Variants in GNA12 observed in about 807,000 individuals in gnomAD.
The protein encoded by GNA12 is guanine nucleotide-binding protein subunit alpha-12.
In GNA12, 9 loss-of-function variants were observed where a neutral mutation model predicts 26.0. The observed-to-expected ratio is 0.35, with a 90% CI of 0.21 to 0.60. The LOEUF (loss-of-function observed/expected upper bound fraction) is 0.60, where lower values mean the gene tolerates loss of function less well. Ranked by LOEUF, GNA12 falls within the 20% of genes least tolerant of loss-of-function variation. The pLI, the probability that GNA12 is intolerant of heterozygous loss-of-function variation, is 0.78. For synonymous variants in GNA12, 264 were observed against 219.6 expected, an observed-to-expected ratio of 1.20 and a Z score of -1.79; for missense variants, 405 against 525.8, an observed-to-expected ratio of 0.77 and a Z score of 2.25.
chr7:2,736,473 T>A (rs558531609), intron 2 of GNA12, among the ~76,000 whole-genome samples: 51 of 152,248 alleles, frequency 3.3e-4, no homozygotes, highest in African/African-American at 1.0e-3. Context: ...CGAATGTGTC[T>A]GTCCTCTCAC....
rs777791319 is a variant in GNA12, at chr7:2,762,838, G to A, written c.526-29337C>T. 17 of 1,494,822 alleles carry A rather than the reference G, an allele frequency of 1.1e-5. No homozygotes were observed. In the Admixed American group the frequency reaches 3.4e-4, roughly 30 times the overall value. 92.6% of individuals were successfully genotyped at this position (1,494,822 alleles called of 1,614,324 possible). On this transcript the variant is annotated intron_variant, in intron 2 of 3. Transcript: ENST00000275364. ...CCCATCCGCCACACACCCAGTCAGC[G>A]CGGCTCCGAAGCAGGAGAGGGCCAG...
intron 1 of GNA12, among the ~76,000 whole-genome samples, chr7:2,812,857 G>A (rs1033215839): frequency 6.6e-6 from 1 of 152,130 alleles, no homozygotes; most frequent in Admixed American, 6.5e-5. Context: ...GCAGTTATTT[G>A]GCCCCTTTTT....
chr7:2,779,245 G>A (rs986446583), intron 2 of GNA12, among the ~76,000 whole-genome samples: 2 of 152,120 alleles, frequency 1.3e-5, no homozygotes, highest in Non-Finnish European at 2.9e-5. Context: ...AGCTACTCAG[G>A]AGGCTGACGT....
At chr7:2,732,880 T>C (rs1789971940) in intron 3 of GNA12, among the ~76,000 whole-genome samples, 1 of 152,248 alleles carries the variant, frequency 6.6e-6, no homozygotes, top group African/African-American at 2.4e-5. Context: ...CTTATTAGGT[T>C]GTTGATTCAA....
intron 1 of GNA12, among the ~76,000 whole-genome samples, chr7:2,806,880 G>T (rs993847044): frequency 6.6e-6 from 1 of 152,074 alleles, no homozygotes; most frequent in Non-Finnish European, 1.5e-5. Context: ...CACATATATG[G>T]CTATTTTCTT....
intron 2 of GNA12, among the ~76,000 whole-genome samples, chr7:2,793,896 A>AAAAAAAAAG (rs1554260953): frequency 6.8e-6 from 1 of 146,642 alleles, no homozygotes; most frequent in African/African-American, 2.7e-5. Flanking sequence ...AAAAAAAAAA[A>AAAAAAAAAG]AAGGAAAAAA....
Position 2,794,796 on chromosome 7 carries a change from C to T in GNA12, c.525+132G>A, listed in dbSNP as rs576111020. The T allele has an allele frequency of 1.4e-5, 10 of 691,380 alleles. No individual in the cohort carries two copies. In the East Asian group the frequency reaches 2.1e-4, roughly 15 times the overall value. The allele number at this position is 691,380 out of a possible 1,614,324, so 42.8% of individuals were successfully genotyped here. Reference sequence around the variant, plus strand: ...TCCATCCCGTGTTTTGGTTGTTGATCATTACAACTTACGGTGATTTAGAGC... The same window carrying T: ...TCCATCCCGTGTTTTGGTTGTTGATTATTACAACTTACGGTGATTTAGAGC... On this transcript the variant is annotated intron_variant, in intron 2 of 3. Transcript: ENST00000275364.
chr7:2,826,656 T>C (rs1793491958), intron 1 of GNA12, among the ~76,000 whole-genome samples: 1 of 152,174 alleles, frequency 6.6e-6, no homozygotes, highest in African/African-American at 2.4e-5. Flanking sequence ...AAACCTTAAA[T>C]ATGTATTGCT....
At chr7:2,765,343 T>A (rs1051379101) in intron 2 of GNA12, among the ~76,000 whole-genome samples, 1 of 151,948 alleles carries the variant, frequency 6.6e-6, no homozygotes, top group Non-Finnish European at 1.5e-5. Flanking sequence ...AGAGATGGGG[T>A]TTCATTTAGT....
In GNA12 at chr7:2,833,056, C is replaced by T. The variant is rs112115361; in HGVS notation, c.309+10797G>A. Among the ~76,000 whole-genome samples, 1,151 of 152,338 alleles carry T rather than the reference C, an allele frequency of 7.6e-3. 15 individuals carry two copies. The highest frequency in any genetic ancestry group is 0.026 in the African/African-American group (1,082 of 41,578). On this transcript the variant is annotated intron_variant, in intron 1 of 3. Coordinates refer to ENST00000275364, the MANE Select transcript of GNA12 (RefSeq NM_007353.3). Reference sequence around the variant, plus strand: ...CAGAGAGAAAGACTAACCCATCACACGGTCAGCAACAAATATTCACATTCG... The same window carrying T: ...CAGAGAGAAAGACTAACCCATCACATGGTCAGCAACAAATATTCACATTCG...
chr7:2,736,234 C>G (rs1162147083), intron 2 of GNA12, among the ~76,000 whole-genome samples: 1 of 152,128 alleles, frequency 6.6e-6, no homozygotes, highest in Non-Finnish European at 1.5e-5. Context: ...CTGTGCCTGC[C>G]AAGACGAGCC....
intron 2 of GNA12, among the ~76,000 whole-genome samples, chr7:2,752,865 C>T (rs985986055): frequency 6.6e-6 from 1 of 152,122 alleles, no homozygotes; most frequent in Non-Finnish European, 1.5e-5. Context: ...ATATCAGAAC[C>T]AGGGAACTGA....
intron 1 of GNA12, chr7:2,814,332 T>A (rs943477095): frequency 1.9e-6 from 3 of 1,591,514 alleles, no homozygotes; most frequent in African/African-American, 2.7e-5. Context: ...GGGTGTGCAA[T>A]GAGTAGGTGC....
At chr7:2,761,014 G>A (rs1399641519) in intron 2 of GNA12, among the ~76,000 whole-genome samples, 1 of 152,174 alleles carries the variant, frequency 6.6e-6, no homozygotes, top group African/African-American at 2.4e-5. Context: ...GGTAGTTTTG[G>A]GACAGCATGT....
Position 2,729,681 on chromosome 7 carries a change from A to C in GNA12, c.*1500T>G, listed in dbSNP as rs1342188211. 1 of 152,288 alleles carries C rather than the reference A, an allele frequency of 6.6e-6. No individual in the cohort carries two copies. 9.4% of individuals were successfully genotyped at this position (152,288 alleles called of 1,614,324 possible). On this transcript the variant is annotated 3_prime_UTR_variant, in exon 4 of 4. Coordinates refer to ENST00000275364, the MANE Select transcript of GNA12 (RefSeq NM_007353.3). ...GGGCTCGGGGCAGCACGGCCTCGGG[A>C]CGAGGGCCCTGGGATATGTGACTGA...
chr7:2,813,115 C>G (rs1183756689), intron 1 of GNA12, among the ~76,000 whole-genome samples: 2 of 152,146 alleles, frequency 1.3e-5, no homozygotes, highest in Non-Finnish European at 2.9e-5. Flanking sequence ...GACACACAGT[C>G]TTGCTATGCT....
intron 2 of GNA12, among the ~76,000 whole-genome samples, chr7:2,774,406 T>C (rs553258142): frequency 6.6e-6 from 1 of 152,328 alleles, no homozygotes; most frequent in Admixed American, 6.5e-5. Flanking sequence ...AGATAACATC[T>C]GAGTCAAAAC....
rs1789640107 is a variant in GNA12 at position 2,730,176 on chromosome 7, T to C, written c.*1005A>G. 1 of 152,398 alleles carries C rather than the reference T, an allele frequency of 6.6e-6. No homozygotes were observed. 9.4% of individuals were successfully genotyped at this position (152,398 alleles called of 1,614,324 possible). Reference sequence around the variant, plus strand: ...GGGGCATTAACAAAAGCTCTGCTAGTGGCCTTGCCAGCTTTCTGAAGCCCC... The same window carrying C: ...GGGGCATTAACAAAAGCTCTGCTAGCGGCCTTGCCAGCTTTCTGAAGCCCC... On this transcript the variant is annotated 3_prime_UTR_variant, in exon 4 of 4. Transcript: ENST00000275364.
At chr7:2,743,543 T>G (rs542470247) in intron 2 of GNA12, among the ~76,000 whole-genome samples, 37 of 152,250 alleles carry the variant, frequency 2.4e-4, no homozygotes, top group African/African-American at 8.7e-4. Flanking sequence ...CAAAATCTTA[T>G]CAGAGGTCAG....
Sources: gnomAD v4.1 joint callset for allele counts (sites outside exome capture counted in the v4.1 genomes callset) on GRCh38, gnomAD v4.1.1 for gene constraint, MANE v1.5 for transcripts, NCBI Gene and HGNC (gene_info 2026-07-23, HGNC 2026-07-21) for gene names.